Variants in RDH11 observed in about 807,000 individuals in gnomAD.
The protein encoded by RDH11 is HCV core-binding protein HCBP12.
A neutral mutation model predicts 33.4 loss-of-function variants in RDH11; 19 were observed. The observed-to-expected ratio is 0.57, with a 90% confidence interval of 0.40 to 0.83. RDH11 has a LOEUF of 0.83. Among genes scored for constraint, RDH11 ranks in the 40% least tolerant of loss-of-function variants. The probability of loss-of-function intolerance (pLI) is 0.00; values close to 1 mark genes in which losing one functional copy is unlikely to be tolerated. For missense variants in RDH11, 353 were observed against 389.0 expected (o/e 0.91, Z 0.78); for synonymous variants, 154 against 155.3 (o/e 0.99, Z 0.06).
At chr14:67,681,521 G>T (rs1042201011) in intron 6 of RDH11, among the ~76,000 whole-genome samples, 1 of 152,160 alleles carries the variant, frequency 6.6e-6, no homozygotes, top group Non-Finnish European at 1.5e-5. Context: ...GGTGGCTCAT[G>T]CCTATAATCC....
chr14:67,687,633 G>A lies in RDH11; in HGVS notation c.665-2429C>T, dbSNP rs757858503. On this transcript the variant is annotated intron_variant, in intron 5 of 6. Coordinates refer to ENST00000381346, the MANE Select transcript of RDH11 (RefSeq NM_016026.4). ...ACTACAGGCACACGCCAACATGCCC[G>A]GCTAATTTTGTATTTTTAGTAGAGA... Among the ~76,000 whole-genome samples, 15 of 151,870 alleles carry A rather than the reference G, an allele frequency of 9.9e-5. No homozygotes were observed. In the South Asian group the frequency reaches 1.3e-3, roughly 13 times the overall value.
chr14:67,690,473 G>A (rs746052283), intron 4 of RDH11, 52 bp from the exon 5 acceptor site: 2 of 1,532,614 alleles, frequency 1.3e-6, no homozygotes, highest in Non-Finnish European at 1.8e-6. Flanking sequence ...AGGAATGACA[G>A]GAGTCGTGGT....
intron 4 of RDH11, 38 bp from the exon 5 acceptor site, chr14:67,690,459 A>T: frequency 1.3e-6 from 2 of 1,576,362 alleles, no homozygotes; most frequent in Non-Finnish European, 1.7e-6. Context: ...GTTCAGGGCC[A>T]TGTAGGAATG....
intron 4 of RDH11, chr14:67,690,712 G>A (rs776471450): frequency 9.3e-5 from 39 of 421,224 alleles, no homozygotes; most frequent in Non-Finnish European, 1.5e-4. Flanking sequence ...GGCTGGGTGC[G>A]GTGGCTCACG....
At chr14:67,681,513 T>C (rs1322068514) in intron 6 of RDH11, among the ~76,000 whole-genome samples, 1 of 152,204 alleles carries the variant, frequency 6.6e-6, no homozygotes, top group Non-Finnish European at 1.5e-5. Flanking sequence ...CCGGGTGTGG[T>C]GGCTCATGCC....
In RDH11 at chr14:67,693,038, C is replaced by A. The variant is rs1393233768; in HGVS notation, c.89G>T (p.Ser30Ile). Residue 30 changes from serine to isoleucine, a missense_variant, in exon 2 of 7, where the codon AGT becomes ATT. Physicochemically the swap from Ser to Ile is moderately radical, Grantham distance 142. Transcript: ENST00000381346. ...AAPQIRKMLS[S>I]GVCTSTVQLP... Reference sequence around the variant, plus strand: ...CTGAACAGTTGATGTACACACCCCACTGGACAGCATTTTCCTGCAGACAGA... The same window carrying A: ...CTGAACAGTTGATGTACACACCCCAATGGACAGCATTTTCCTGCAGACAGA... The A allele has an allele frequency of 6.2e-7, 1 of 1,612,808 alleles. No homozygotes were observed. Among genetic ancestry groups the A allele is most frequent in the East Asian group, 2.2e-5 (1 of 44,808 alleles).
At chr14:67,690,955 C>T (rs372308394) in intron 4 of RDH11, 185 bp downstream of exon 4, 28 of 592,226 alleles carry the variant, frequency 4.7e-5, no homozygotes, top group African/African-American at 4.4e-4. Flanking sequence ...GATTAAAAAG[C>T]GGGCAGAACC....
chr14:67,684,212 G>A (rs918541263), intron 6 of RDH11, among the ~76,000 whole-genome samples: 8 of 152,168 alleles, frequency 5.3e-5, no homozygotes, highest in Non-Finnish European at 1.2e-4. Context: ...CTCATAATCT[G>A]TCTGCCTTTC....
At position 67,695,699 on chromosome 14, in the gene RDH11, A is replaced by G; in HGVS notation, c.5T>C (p.Val2Ala). Residue 2 changes from valine (V) to alanine (A), a missense_variant, in exon 1 of 7, where the codon GTT becomes GCT. Transcript: ENST00000381346. MVELMFPLLLLL... is the reference protein window; with the variant it reads MAELMFPLLLLL... ...GAGCAACAGCGGGAACATGAGCTCA[A>G]CCATCTCTGCCGGCTGCAGCGGCAC... 6.2e-7 allele frequency: 1 copy of G among 1,614,088 alleles called. No individual in the cohort carries two copies. The highest frequency in any genetic ancestry group is 8.5e-7 in the Non-Finnish European group (1 of 1,179,956).
rs984685329 is a variant in RDH11 at position 67,677,770 on chromosome 14, G to A, written c.*551C>T. ...ACACATAAACAGGAAGACACACAAA[G>A]ATATACACAATTTTTAGTAGAGGTG... On this transcript the variant is annotated 3_prime_UTR_variant, in exon 7 of 7. Transcript: ENST00000381346. 5 of 152,544 alleles carry A rather than the reference G, an allele frequency of 3.3e-5. No individual in the cohort carries two copies. Among genetic ancestry groups the A allele is most frequent in the African/African-American group, 1.2e-4 (5 of 41,412 alleles). 9.4% of individuals were successfully genotyped at this position (152,544 alleles called of 1,614,324 possible).
At chr14:67,692,624 C>A in intron 2 of RDH11, 31 bp from the exon 3 acceptor site, 1 of 1,522,970 alleles carries the variant, frequency 6.6e-7, no homozygotes, top group South Asian at 1.3e-5. Context: ...GAGAAATGGT[C>A]AGCTCTGTTT....
chr14:67,691,267 C>G, intron 3 of RDH11, 23 bp from the exon 4 acceptor site: 1 of 1,563,402 alleles, frequency 6.4e-7, no homozygotes, highest in Non-Finnish European at 8.8e-7. Context: ...GACGATGGAG[C>G]GTGGAAGTGG....
At chr14:67,689,778 T>C (rs149856883) in intron 5 of RDH11, among the ~76,000 whole-genome samples, 2 of 152,156 alleles carry the variant, frequency 1.3e-5, no homozygotes, top group East Asian at 1.9e-4. Flanking sequence ...ATCCTGTCTC[T>C]ACTAAAAATA....
At chr14:67,683,496 G>A (rs1424121597) in intron 6 of RDH11, among the ~76,000 whole-genome samples, 1 of 152,186 alleles carries the variant, frequency 6.6e-6, no homozygotes, top group African/African-American at 2.4e-5. Flanking sequence ...CTCTTTGGCT[G>A]AACATTCTAC....
intron 3 of RDH11, chr14:67,691,907 C>G (rs746366170): frequency 6.5e-6 from 1 of 154,078 alleles, no homozygotes; most frequent in African/African-American, 2.4e-5. Context: ...TTTGGTGGTA[C>G]GAATTCAGAC....
chr14:67,694,255 C>G (rs1449151819), intron 1 of RDH11, among the ~76,000 whole-genome samples: 2 of 152,040 alleles, frequency 1.3e-5, no homozygotes, highest in African/African-American at 4.8e-5. Context: ...AGAAAACAAG[C>G]CTCTAGGCTG....
intron 5 of RDH11, 86 bp from the exon 6 acceptor site, chr14:67,685,290 G>A (rs1022558536): frequency 5.5e-6 from 6 of 1,089,516 alleles, no homozygotes; most frequent in Non-Finnish European, 8.0e-6. Context: ...AAATAAGCAT[G>A]TGACCTTCAC....
chr14:67,692,482 G>T lies in RDH11; in HGVS notation c.305C>A (p.Ser102Tyr), dbSNP rs1275278332. Residue 102 changes from serine (S) to tyrosine (Y), a missense_variant, in exon 3 of 7, where the codon TCT (serine) becomes TAT (tyrosine). Physicochemically the swap from Ser to Tyr is moderately radical, Grantham distance 144. Coordinates refer to ENST00000381346, the MANE Select transcript of RDH11 (RefSeq NM_016026.4). The part of the protein sequence containing the change: ...QQVLVRKLDL[S>Y]DTKSIRAFAK... ...AAAAGCTCGAATAGACTTAGTATCAGACAGGTCCAGTTTCCGCACCAACAC... is the reference window on the plus strand; with the variant it reads ...AAAAGCTCGAATAGACTTAGTATCATACAGGTCCAGTTTCCGCACCAACAC... The T allele has an allele frequency of 6.2e-7, 1 of 1,614,136 alleles. No individual in the cohort carries two copies.
At chr14:67,681,919 C>T (rs1050576014) in intron 6 of RDH11, among the ~76,000 whole-genome samples, 1 of 152,096 alleles carries the variant, frequency 6.6e-6, no homozygotes, top group South Asian at 2.1e-4. Flanking sequence ...GTCCCTCTGC[C>T]TTCATGAACA....
Sources: allele counts gnomAD v4.1 joint callset (sites outside exome capture counted in the v4.1 genomes callset), GRCh38; gene constraint gnomAD v4.1.1; transcripts MANE v1.5; gene names NCBI Gene and HGNC (gene_info 2026-07-23, HGNC 2026-07-21).